USP31: variants seen among roughly 807,000 people sequenced by gnomAD.
USP31 encodes the protein ubiquitin specific peptidase 31, also known as ubiquitin carboxyl-terminal hydrolase 31.
Under a neutral mutation model 119.4 loss-of-function variants are expected in USP31, and 44 were observed. That is an observed-to-expected ratio of 0.37 (90% CI 0.29 to 0.47). The LOEUF (loss-of-function observed/expected upper bound fraction) is 0.47, where lower values mean the gene tolerates loss of function less well. USP31 is among the 20% of genes least tolerant of loss of function. USP31 has a pLI of 0.99. For synonymous variants in USP31, 749 were observed against 705.6 expected (o/e 1.06, Z -0.97); for missense variants, 1,643 against 1,730.2 (o/e 0.95, Z 0.89).
At position 23,104,458 on chromosome 16, in the gene USP31, C is replaced by A. The variant is rs375583256; in HGVS notation, c.1089+983G>T. Among the ~76,000 whole-genome samples, 4 of 152,236 alleles carry A rather than the reference C, an allele frequency of 2.6e-5. No homozygotes were observed. The East Asian group carries it at 7.7e-4, about 29-fold the overall frequency. On this transcript the variant is annotated intron_variant, in intron 5 of 15. Coordinates refer to ENST00000219689, the MANE Select transcript of USP31 (RefSeq NM_020718.4). ...CCCTGGACACCACCGAAGCCTCGCT[C>A]CCTCCCTTTCTGCCTTTCCCTCATC...
At chr16:23,131,180 T>C (rs1399222166) in intron 1 of USP31, among the ~76,000 whole-genome samples, 1 of 152,138 alleles carries the variant, frequency 6.6e-6, no homozygotes, top group Non-Finnish European at 1.5e-5. Flanking sequence ...AGTGTGCACC[T>C]GCAGTTCTAG....
At chr16:23,082,343 C>T in intron 12 of USP31, 95 bp downstream of exon 12, 1 of 1,505,644 alleles carries the variant, frequency 6.6e-7, no homozygotes, top group Non-Finnish European at 9.1e-7. Context: ...CTGGATCAAA[C>T]AGGTATACCA....
chr16:23,146,773 G>A (rs1402959054), intron 1 of USP31, among the ~76,000 whole-genome samples: 3 of 152,220 alleles, frequency 2.0e-5, no homozygotes, highest in Non-Finnish European at 4.4e-5. Flanking sequence ...TCAGCTAGAT[G>A]ACCTTTTCAT....
At chr16:23,085,457 A>C (rs765104895) in intron 10 of USP31, 128 bp downstream of exon 10, 1 of 837,852 alleles carries the variant, frequency 1.2e-6, no homozygotes, top group Non-Finnish European at 1.9e-6. Context: ...AGGGTTAACA[A>C]CACACCTGGA....
chr16:23,068,007 A>T lies in USP31; in HGVS notation c.*39T>A. 1 of 1,555,706 alleles carries T rather than the reference A, an allele frequency of 6.4e-7. No individual in the cohort carries two copies. Among genetic ancestry groups the T allele is most frequent in the Non-Finnish European group, 8.7e-7 (1 of 1,154,072 alleles). ...GGGAGGGCAGGGGTTCTAAATAAAT[A>T]AACATCTTTACAGATAAAACACTTT... is the stretch of plus-strand genomic sequence containing the variant. On this transcript the variant is annotated 3_prime_UTR_variant, in exon 16 of 16. Coordinates refer to ENST00000219689, the MANE Select transcript of USP31 (RefSeq NM_020718.4).
chr16:23,086,997 C>A (rs1901136775), intron 9 of USP31, 95 bp downstream of exon 9: 1 of 910,838 alleles, frequency 1.1e-6, no homozygotes, highest in Middle Eastern at 2.6e-4. Flanking sequence ...AAGAACCCTG[C>A]ACACTTATGT....
chr16:23,147,596 C>T (rs1596743416), intron 1 of USP31, among the ~76,000 whole-genome samples: 1 of 152,184 alleles, frequency 6.6e-6, no homozygotes, highest in African/African-American at 2.4e-5. Flanking sequence ...ACACTTGCAG[C>T]CCCACCAGCA....
chr16:23,105,858 A>G (rs1902078328), intron 4 of USP31, among the ~76,000 whole-genome samples: 1 of 152,190 alleles, frequency 6.6e-6, no homozygotes, highest in African/African-American at 2.4e-5. Context: ...GAACAGCATA[A>G]CTCCTGGAAA....
intron 6 of USP31, among the ~76,000 whole-genome samples, chr16:23,100,275 T>G (rs2141865362): frequency 6.6e-6 from 1 of 152,308 alleles, no homozygotes; most frequent in South Asian, 2.1e-4. Flanking sequence ...AACCCAAATG[T>G]TCATTAACAA....
At chr16:23,136,961 C>T (rs998664724) in intron 1 of USP31, among the ~76,000 whole-genome samples, 3 of 152,032 alleles carry the variant, frequency 2.0e-5, no homozygotes, top group South Asian at 2.1e-4. Flanking sequence ...GCCTGTAATC[C>T]CGGCACTTTG....
intron 6 of USP31, among the ~76,000 whole-genome samples, chr16:23,096,837 A>C (rs904556415): frequency 6.6e-6 from 1 of 152,256 alleles, no homozygotes; most frequent in Non-Finnish European, 1.5e-5. Context: ...GACACATTTA[A>C]AGCAGTGTGT....
At chr16:23,132,548 G>A in intron 1 of USP31, among the ~76,000 whole-genome samples, 1 of 152,024 alleles carries the variant, frequency 6.6e-6, no homozygotes. Context: ...GTCACACAAA[G>A]GAAGACATAA....
chr16:23,122,077 C>T (rs1902688428), intron 1 of USP31, among the ~76,000 whole-genome samples: 1 of 152,144 alleles, frequency 6.6e-6, no homozygotes, highest in African/African-American at 2.4e-5. Context: ...TTATGTTATG[C>T]ACACACAGGG....
rs1485103725 is a variant in USP31, at chr16:23,136,535, T to C, written c.633+12103A>G. 2.6e-5 allele frequency among the ~76,000 whole-genome samples: 4 copies of C among 151,642 alleles called. 1 individual carries two copies. Among genetic ancestry groups the C allele is most frequent in the African/African-American group, 7.3e-5 (3 of 41,204 alleles). On this transcript the variant is annotated intron_variant, in intron 1 of 15. Coordinates refer to ENST00000219689, the MANE Select transcript of USP31 (RefSeq NM_020718.4). ...TGGGCGTGGTGGTGGGCGCCTGTAA[T>C]CCCAGTTAACCAGGAGGCTGAAGCA...
At chr16:23,116,811 A>G (rs1031866057) in intron 1 of USP31, among the ~76,000 whole-genome samples, 6 of 152,200 alleles carry the variant, frequency 3.9e-5, no homozygotes, top group Admixed American at 2.6e-4. Flanking sequence ...AATGAGGCAC[A>G]GGGAAAGGGG....
chr16:23,071,175 G>A (rs1276740072), intron 15 of USP31, among the ~76,000 whole-genome samples: 1 of 152,176 alleles, frequency 6.6e-6, no homozygotes, highest in Non-Finnish European at 1.5e-5. Flanking sequence ...GGCAGAGCTA[G>A]AGCTATGGTG....
At position 23,149,168 on chromosome 16, in the gene USP31, C is replaced by G; in HGVS notation, c.103G>C (p.Gly35Arg). 1 of 1,167,030 alleles carries G rather than the reference C, an allele frequency of 8.6e-7. No individual in the cohort carries two copies. The highest frequency in any genetic ancestry group is 1.1e-6 in the Non-Finnish European group (1 of 942,728). 72.3% of individuals were successfully genotyped at this position (1,167,030 alleles called of 1,614,324 possible). A position where few individuals can be genotyped will look rare whatever the true frequency, so the allele number is the denominator to read the frequency against. Residue 35 changes from glycine (G) to arginine (R), a missense_variant, in exon 1 of 16, where the codon GGC becomes CGC. Coordinates refer to ENST00000219689, the MANE Select transcript of USP31 (RefSeq NM_020718.4). ...GCCCCGGGGCCCCCCGCGCCGCCGCCGCCAGCGCGGCCGCTCCGAAACAGC... is the reference window on the plus strand; with the variant it reads ...GCCCCGGGGCCCCCCGCGCCGCCGCGGCCAGCGCGGCCGCTCCGAAACAGC... ...KRLFRSGRAG[G>R]GGAGGPGASG... is the part of the protein sequence containing the mutation.
intron 1 of USP31, among the ~76,000 whole-genome samples, chr16:23,143,590 G>T (rs535148640): frequency 2.7e-5 from 4 of 150,670 alleles, no homozygotes; most frequent in African/African-American, 7.3e-5. Context: ...GAGGTTGGGG[G>T]GGGGGAGAGA....
chr16:23,109,080 G>C (rs1408819143), intron 1 of USP31, among the ~76,000 whole-genome samples: 1 of 152,298 alleles, frequency 6.6e-6, no homozygotes, highest in East Asian at 1.9e-4. Context: ...GGAAGGCAAT[G>C]AATCAGCTGA....
Sources: gnomAD v4.1 joint callset for allele counts (sites outside exome capture counted in the v4.1 genomes callset) on GRCh38, gnomAD v4.1.1 for gene constraint, MANE v1.5 for transcripts, NCBI Gene and HGNC (gene_info 2026-07-23, HGNC 2026-07-21) for gene names.